The following PHEX variants were observed in gnomAD, a reference collection of about 807,000 sequenced individuals.
PHEX encodes phosphate regulating endopeptidase X-linked.
A neutral mutation model predicts 68.0 loss-of-function variants in PHEX; 16 were observed. That is an observed-to-expected ratio of 0.24 (90% CI 0.16 to 0.36). The LOEUF (loss-of-function observed/expected upper bound fraction) is 0.36, where lower values mean the gene tolerates loss of function less well. PHEX is among the 10% of genes least tolerant of loss of function. The pLI is 1.00. For synonymous variants in PHEX, 208 were observed against 205.1 expected (o/e 1.01, Z -0.12); for missense variants, 480 against 575.5 (o/e 0.83, Z 1.70).
At chrX:22,071,254 A>G (rs1289818455) in intron 3 of PHEX, among the ~76,000 whole-genome samples, 4 of 111,708 alleles carry the variant, frequency 3.6e-5, no homozygotes, top group Non-Finnish European at 5.6e-5. Flanking sequence ...AATAAAACTT[A>G]GGTACCCTTA....
intron 16 of PHEX, among the ~76,000 whole-genome samples, chrX:22,216,102 CCAAG>C (rs1935077672): frequency 9.0e-6 from 1 of 111,377 alleles, no homozygotes. Flanking sequence ...TTGGAAATAC[CCAAG>C]CAGGGTATTA....
intron 1 of PHEX, among the ~76,000 whole-genome samples, chrX:22,033,986 T>C (rs1926907172): frequency 8.9e-6 from 1 of 112,456 alleles, no homozygotes; most frequent in South Asian, 3.6e-4. Context: ...GCCATGTTTA[T>C]TTTGGCAGGG....
At chrX:22,240,479 T>C (rs1936144830) in intron 20 of PHEX, among the ~76,000 whole-genome samples, 1 of 111,488 alleles carries the variant, frequency 9.0e-6, no homozygotes, top group Non-Finnish European at 1.9e-5. Context: ...CAGTGTGCTG[T>C]ATTCAGGAAA....
chrX:22,205,966 T>C (rs916801059), intron 15 of PHEX, among the ~76,000 whole-genome samples: 7 of 112,124 alleles, frequency 6.2e-5, no homozygotes, highest in Admixed American at 9.5e-5. Flanking sequence ...TCCACTTTTA[T>C]TGGGGGTCAG....
At chrX:22,086,543 T>C (rs2147031465) in intron 5 of PHEX, among the ~76,000 whole-genome samples, 1 of 111,634 alleles carries the variant, frequency 9.0e-6, no homozygotes, top group African/African-American at 3.2e-5. Flanking sequence ...GAAATTTTAT[T>C]ATCCTTTGTC....
chrX:22,146,633 G>A (rs929232752), intron 12 of PHEX, among the ~76,000 whole-genome samples: 1 of 110,138 alleles, frequency 9.1e-6, no homozygotes, highest in Non-Finnish European at 1.9e-5. Context: ...CCTGGCCAAC[G>A]TGGCGAAATC....
chrX:22,182,729 G>A (rs1483441833), intron 14 of PHEX, among the ~76,000 whole-genome samples: 2 of 110,247 alleles, frequency 1.8e-5, no homozygotes, highest in Non-Finnish European at 3.8e-5. Context: ...ATCTGACAAA[G>A]CTGTGGCTTT....
At chrX:22,169,274 T>C (rs1424335985) in intron 13 of PHEX, among the ~76,000 whole-genome samples, 1 of 111,925 alleles carries the variant, frequency 8.9e-6, no homozygotes, top group African/African-American at 3.2e-5. Context: ...CTCTAAGATA[T>C]AGCCTCCCAA....
intron 9 of PHEX, among the ~76,000 whole-genome samples, chrX:22,104,062 C>A (rs1930553639): frequency 8.9e-6 from 1 of 111,988 alleles, no homozygotes; most frequent in African/African-American, 3.2e-5. Flanking sequence ...TGATGTTGAG[C>A]ATTTTTCATA....
At chrX:22,152,496 C>T (rs1932870699) in intron 12 of PHEX, among the ~76,000 whole-genome samples, 1 of 111,450 alleles carries the variant, frequency 9.0e-6, no homozygotes, top group Non-Finnish European at 1.9e-5. Flanking sequence ...TTTTCTCTTA[C>T]ATCGCATTCT....
At chrX:22,196,949 G>T (rs1296229471) in intron 15 of PHEX, among the ~76,000 whole-genome samples, 1 of 112,035 alleles carries the variant, frequency 8.9e-6, no homozygotes, top group Non-Finnish European at 1.9e-5. Context: ...TTCAAACTGG[G>T]AGAATTTCTC....
At chrX:22,082,870 A>G (rs1487359913) in intron 5 of PHEX, among the ~76,000 whole-genome samples, 1 of 112,417 alleles carries the variant, frequency 8.9e-6, no homozygotes, top group African/African-American at 3.2e-5. Context: ...TAAAATTCAT[A>G]TGGAATCAAA....
At chrX:22,091,290 G>C (rs1158353302) in intron 6 of PHEX, among the ~76,000 whole-genome samples, 2 of 111,619 alleles carry the variant, frequency 1.8e-5, no homozygotes, top group Admixed American at 1.9e-4. Context: ...AAAGTGGACA[G>C]AATGAACATT....
chrX:22,161,127 C>T (rs1291218601), intron 12 of PHEX, among the ~76,000 whole-genome samples: 1 of 105,967 alleles, frequency 9.4e-6, no homozygotes, highest in Non-Finnish European at 1.9e-5. Context: ...CAGAGCGAGG[C>T]TCCACCTCAA....
intron 11 of PHEX, among the ~76,000 whole-genome samples, chrX:22,128,828 A>C (rs1931850218): frequency 1.2e-5 from 1 of 86,400 alleles, no homozygotes; most frequent in South Asian, 8.4e-4. Context: ...ATCCCCCCTT[A>C]TCTGAGACAG....
intron 11 of PHEX, among the ~76,000 whole-genome samples, chrX:22,130,310 C>T (rs755647286): frequency 1.5e-4 from 17 of 111,299 alleles, no homozygotes; most frequent in Non-Finnish European, 2.3e-4. Flanking sequence ...GAGACTGAGG[C>T]GGGTGGATCA....
At chrX:22,173,497 T>C (rs1433953810) in intron 13 of PHEX, among the ~76,000 whole-genome samples, 2 of 110,954 alleles carry the variant, frequency 1.8e-5, no homozygotes, top group African/African-American at 6.6e-5. Context: ...CACCTCAGTA[T>C]ATATTAGGTT....
intron 16 of PHEX, among the ~76,000 whole-genome samples, chrX:22,216,496 T>TTTTTTTATGC (rs1935094057): frequency 4.7e-5 from 1 of 21,249 alleles, no homozygotes; most frequent in Non-Finnish European, 9.5e-5. Flanking sequence ...TTTATGCTTA[T>TTTTTTTATGC]TTATTTATTT....
At chrX:22,214,944 T>C (rs769381630) in intron 16 of PHEX, among the ~76,000 whole-genome samples, 1 of 111,532 alleles carries the variant, frequency 9.0e-6, no homozygotes, top group Non-Finnish European at 1.9e-5. Context: ...TGCTTTTAAG[T>C]TTAGAAATAT....
Sources: gnomAD v4.1 joint callset for allele counts (sites outside exome capture counted in the v4.1 genomes callset) on GRCh38, gnomAD v4.1.1 for gene constraint, MANE v1.5 for transcripts, NCBI Gene and HGNC (gene_info 2026-07-23, HGNC 2026-07-21) for gene names.